Variants in TBX1 observed in about 807,000 individuals in gnomAD.
TBX1 encodes the protein T-box transcription factor 1.
TBX1 carries 16 observed loss-of-function variants against 40.8 expected under a neutral mutation model. The observed-to-expected ratio is 0.39, with a 90% CI of 0.27 to 0.60. The LOEUF is 0.60. Among genes scored for constraint, TBX1 ranks in the 20% least tolerant of loss-of-function variants. TBX1 has a pLI of 0.51. For missense variants in TBX1, 755 were observed against 728.5 expected, an observed-to-expected ratio of 1.04 and a Z score of -0.42; for synonymous variants, 403 against 336.8, an observed-to-expected ratio of 1.20 and a Z score of -2.15.
At chr22:19,780,854 C>A (rs886733771), downstream of TBX1, among the ~76,000 whole-genome samples, 4 of 144,320 alleles carry the variant, frequency 2.8e-5, no homozygotes, top group South Asian at 9.0e-4. Flanking sequence ...GCGATCTCGG[C>A]TCACTGCAAG....
In TBX1 at chr22:19,764,224, C is replaced by T; in HGVS notation, c.609C>T (p.His203=). 2 of 1,613,188 alleles carry T rather than the reference C, an allele frequency of 1.2e-6. No individual in the cohort carries two copies. Among genetic ancestry groups the T allele is most frequent in the African/African-American group, 2.7e-5 (2 of 75,056 alleles). Residue 203 remains histidine, a synonymous_variant, in exon 3 of 7, where the codon CAC becomes CAT. Transcript: ENST00000649276. ...KADPATPGRV[H]YHPDSPAKGA... is the part of the protein sequence containing the mutation. ...ACCCTGCCACGCCAGGCCGCGTGCA[C>T]TACCACCCGGACTCGCCTGCCAAGG...
At chr22:19,767,490 G>C (rs1936904839), downstream of TBX1, among the ~76,000 whole-genome samples, 1 of 152,012 alleles carries the variant, frequency 6.6e-6, no homozygotes. Context: ...TGTCCGCCAC[G>C]CCTCCTGCCC....
upstream of TBX1, among the ~76,000 whole-genome samples, chr22:19,758,780 G>A (rs571964738): frequency 2.6e-5 from 4 of 152,200 alleles, no homozygotes; most frequent in Non-Finnish European, 4.4e-5. Context: ...GCGCAAGTGC[G>A]CGTGACGCTC....
At chr22:19,758,892 G>GTCCTGTCCTGC (rs2145823121), upstream of TBX1, among the ~76,000 whole-genome samples, 1 of 152,348 alleles carries the variant, frequency 6.6e-6, no homozygotes, top group East Asian at 1.9e-4. Context: ...ACTGGGCTGG[G>GTCCTGTCCTGC]TCCTGTCCTG....
At chr22:19,759,389 C>A, upstream of TBX1, 1 of 737,232 alleles carries the variant, frequency 1.4e-6, no homozygotes, top group Non-Finnish European at 1.7e-6. Flanking sequence ...CAGTGAGTGG[C>A]ACCACAGGCC....
intron 1 of TBX1, among the ~76,000 whole-genome samples, chr22:19,762,300 G>A (rs1253373801): frequency 6.6e-6 from 1 of 152,258 alleles, no homozygotes; most frequent in Non-Finnish European, 1.5e-5. Context: ...GCTTCGGGTG[G>A]GGGAGGGAGC....
downstream of TBX1, among the ~76,000 whole-genome samples, chr22:19,769,017 G>C (rs1005747511): frequency 7.1e-6 from 1 of 140,968 alleles, no homozygotes. Context: ...CCGGAATGCC[G>C]TGGTGCGATC....
chr22:19,761,681 C>G (rs146627627), intron 1 of TBX1, among the ~76,000 whole-genome samples: 1,677 of 152,358 alleles, frequency 0.011, 32 homozygotes, highest in African/African-American at 0.039. Flanking sequence ...CTAGTAAATC[C>G]CACCTCAAGA....
chr22:19,774,100 A>G (rs951226757), intron 8 of TBX1, among the ~76,000 whole-genome samples: 1 of 152,198 alleles, frequency 6.6e-6, no homozygotes, highest in Non-Finnish European at 1.5e-5. Flanking sequence ...ACAGAAAACA[A>G]CACGTGTTGG....
intron 8 of TBX1, among the ~76,000 whole-genome samples, chr22:19,777,979 C>T (rs1277570565): frequency 2.6e-5 from 4 of 151,994 alleles, no homozygotes; most frequent in Non-Finnish European, 4.4e-5. Flanking sequence ...AGGCTGGTCT[C>T]GAACTCCTGA....
chr22:19,773,484 G>T (rs575162366), intron 8 of TBX1, among the ~76,000 whole-genome samples: 72 of 152,308 alleles, frequency 4.7e-4, no homozygotes, highest in Admixed American at 1.6e-3. Context: ...TTTCCAGGTG[G>T]CCCCTCCAGC....
chr22:19,765,832 G>T lies in TBX1; in HGVS notation c.935+7G>T. ...ACTGTGACCCTGAGGACTGGTGAGT[G>T]TCCTCCCCCGAGAGAGTGAGCGCCG... On this transcript the variant is annotated splice_region_variant and intron_variant, in intron 5 of 6. Transcript: ENST00000649276. 2 of 1,600,670 alleles carry T rather than the reference G, an allele frequency of 1.2e-6. No homozygotes were observed. The highest frequency in any genetic ancestry group is 1.7e-6 in the Non-Finnish European group (2 of 1,174,168).
At chr22:19,762,607 T>A (rs1002746784) in intron 1 of TBX1, among the ~76,000 whole-genome samples, 25 of 152,032 alleles carry the variant, frequency 1.6e-4, no homozygotes, top group African/African-American at 2.4e-4. Flanking sequence ...GGTAGCTGCG[T>A]CTTGGGGTTA....
chr22:19,761,741 C>A (rs957637377), intron 1 of TBX1, among the ~76,000 whole-genome samples: 1 of 152,216 alleles, frequency 6.6e-6, no homozygotes, highest in Non-Finnish European at 1.5e-5. Context: ...AGATAAAGAG[C>A]GGCAGCCGGG....
Position 19,766,449 on chromosome 22 carries a change from A to T in TBX1, c.1097A>T (p.Asp366Val). The T allele has an allele frequency of 1.5e-6, 2 of 1,333,148 alleles. No individual in the cohort carries two copies. Among genetic ancestry groups the T allele is most frequent in the Non-Finnish European group, 1.9e-6 (2 of 1,036,580 alleles). The allele number at this position is 1,333,148 out of a possible 1,614,324, so 82.6% of individuals were successfully genotyped here. A position where few individuals can be genotyped will look rare whatever the true frequency, so the allele number is the denominator to read the frequency against. ...GCGGGCGGGCCAGCAGTGCTCGGGGACCCGGCGCATCCTCCGCAGCTGCTG... is the reference window on the plus strand; with the variant it reads ...GCGGGCGGGCCAGCAGTGCTCGGGGTCCCGGCGCATCCTCCGCAGCTGCTG... ...RDAGGPAVLG[D>V]PAHPPQLLAR... Residue 366 changes from aspartate (D) to valine (V), a missense_variant, in exon 7 of 7, where the codon GAC (aspartate) becomes GTC (valine). Transcript: ENST00000649276.
chr22:19,757,062 C>T (rs1388983954), upstream of TBX1, among the ~76,000 whole-genome samples: 2 of 152,152 alleles, frequency 1.3e-5, no homozygotes, highest in Non-Finnish European at 2.9e-5. Context: ...GCTTCCGGGC[C>T]CCTTTAGCCG....
At chr22:19,765,876 C>T (rs961356403) in intron 5 of TBX1, 26 bp from the exon 6 acceptor site, 8 of 1,553,188 alleles carry the variant, frequency 5.2e-6, no homozygotes, top group South Asian at 4.7e-5. Context: ...GCGCAGGCGC[C>T]GCCCTGATCC....
At chr22:19,759,644 A>G, upstream of TBX1, 1 of 1,612,428 alleles carries the variant, frequency 6.2e-7, no homozygotes, top group East Asian at 2.2e-5. Context: ...CCCGGCAGGG[A>G]TGCACTTCAG....
chr22:19,763,104 G>C (rs1936719732), intron 1 of TBX1, 137 bp from the exon 2 acceptor site: 3 of 721,970 alleles, frequency 4.2e-6, no homozygotes, highest in African/African-American at 3.5e-5. Context: ...AGGAAAGATG[G>C]AGCCCAAGGG....
Sources: gnomAD v4.1 joint callset for allele counts (sites outside exome capture counted in the v4.1 genomes callset) on GRCh38, gnomAD v4.1.1 for gene constraint, MANE v1.5 for transcripts, NCBI Gene and HGNC (gene_info 2026-07-23, HGNC 2026-07-21) for gene names.